Variants in KIZ observed in about 807,000 individuals in gnomAD.
KIZ encodes the protein centrosomal protein kizuna.
A neutral mutation model predicts 79.6 loss-of-function variants in KIZ; 68 were observed. That is an observed-to-expected ratio of 0.85 (90% CI 0.70 to 1.05). The LOEUF (loss-of-function observed/expected upper bound fraction) is 1.05, where lower values mean the gene tolerates loss of function less well. Among genes scored for constraint, KIZ ranks in the 50% least tolerant of loss-of-function variants. The pLI, the probability that KIZ is intolerant of heterozygous loss-of-function variation, is 0.00. For missense variants in KIZ, 797 were observed against 800.4 expected (o/e 1.00, Z 0.05); for synonymous variants, 280 against 281.8 (o/e 0.99, Z 0.06).
intron 6 of KIZ, chr20:21,194,864 G>A (rs751169806): frequency 1.3e-5 from 2 of 152,030 alleles, no homozygotes; most frequent in African/African-American, 4.8e-5. Context: ...AGATAAGTGT[G>A]TCATATGAAT....
Position 21,241,955 on chromosome 20 carries a change from A to G in KIZ, c.1881-2290A>G, listed in dbSNP as rs186787678. Among the ~76,000 whole-genome samples, 360 of 152,298 alleles carry G rather than the reference A, an allele frequency of 2.4e-3. 1 individual carries two copies. Among genetic ancestry groups the G allele is most frequent in the Middle Eastern group, 6.8e-3 (2 of 294 alleles). ...GATTCTGAAGTGCAATATTGAATAG[A>G]AATATGTAAATCAAGTATTATATAA... On this transcript the variant is annotated intron_variant, in intron 11 of 12. Coordinates refer to ENST00000619189, the MANE Select transcript of KIZ (RefSeq NM_018474.6).
chr20:21,147,961 T>TTGTATGTGTGTGTGTGTG (rs2032929057), intron 4 of KIZ, among the ~76,000 whole-genome samples: 1 of 141,036 alleles, frequency 7.1e-6, no homozygotes, highest in Non-Finnish European at 1.5e-5. Flanking sequence ...CTCCTGGAAT[T>TTGTATGTGTGTGTGTGTG]TGTGTGTGTG....
chr20:21,219,173 CATATACCAGGTAGA>C (rs370898910), intron 9 of KIZ, among the ~76,000 whole-genome samples: 2 of 71,830 alleles, frequency 2.8e-5, no homozygotes, highest in Non-Finnish European at 6.2e-5. Context: ...GAGGAGCTGC[CATATACCAGGTAGA>C]ATATTTATCG....
chr20:21,163,126 A>G lies in KIZ; in HGVS notation c.1319A>G (p.Glu440Gly), dbSNP rs1568935305. 4.3e-6 allele frequency: 7 copies of G among 1,612,690 alleles called. No individual in the cohort carries two copies. The highest frequency in any genetic ancestry group is 1.1e-5 in the South Asian group (1 of 90,832). Reference sequence around the variant, plus strand: ...CAAACCCTAAGCTCTCCTGATTCAGAAAAGGAATCCTCCACTAACGCACCA... The same window carrying G: ...CAAACCCTAAGCTCTCCTGATTCAGGAAAGGAATCCTCCACTAACGCACCA... ...ILQTLSSPDS[E>G]KESSTNAPTR... The change falls in exon 6 of 13, where the codon GAA (glutamate) becomes GGA (glycine). Residue 440 changes from glutamate (E) to glycine (G), a missense_variant. Glu to Gly is a moderately conservative substitution (Grantham distance 98). Coordinates refer to ENST00000619189, the MANE Select transcript of KIZ (RefSeq NM_018474.6).
intron 6 of KIZ, among the ~76,000 whole-genome samples, chr20:21,189,892 C>T (rs1289482206): frequency 6.6e-6 from 1 of 152,150 alleles, no homozygotes; most frequent in African/African-American, 2.4e-5. Context: ...GCATTGTGCT[C>T]CCTTCAAGTG....
intron 3 of KIZ, among the ~76,000 whole-genome samples, chr20:21,142,463 T>C (rs1293327289): frequency 6.6e-6 from 1 of 152,140 alleles, no homozygotes; most frequent in African/African-American, 2.4e-5. Flanking sequence ...TTATGGACCA[T>C]GAACTACTAC....
At chr20:21,134,160 G>T (rs925153337) in intron 2 of KIZ, among the ~76,000 whole-genome samples, 2 of 152,142 alleles carry the variant, frequency 1.3e-5, no homozygotes, top group Non-Finnish European at 2.9e-5. Flanking sequence ...CGTGAGGTGG[G>T]CACAAAGGGT....
chr20:21,190,144 CCCAGGA>C (rs2035051817), intron 6 of KIZ, among the ~76,000 whole-genome samples: 1 of 152,198 alleles, frequency 6.6e-6, no homozygotes, highest in African/African-American at 2.4e-5. Context: ...AGTTTATTTT[CCCAGGA>C]CACTAATTCT....
At chr20:21,235,662 G>T (rs1001463054) in intron 11 of KIZ, among the ~76,000 whole-genome samples, 14 of 152,212 alleles carry the variant, frequency 9.2e-5, no homozygotes, top group African/African-American at 3.4e-4. Flanking sequence ...ACTGGTTCCT[G>T]CCTTGTAACT....
At chr20:21,134,735 C>T (rs551876363) in intron 2 of KIZ, among the ~76,000 whole-genome samples, 4 of 146,208 alleles carry the variant, frequency 2.7e-5, no homozygotes, top group East Asian at 2.0e-4. Context: ...GGTGTGATCT[C>T]GGCTCACTGC....
intron 4 of KIZ, among the ~76,000 whole-genome samples, chr20:21,157,028 G>A (rs896373599): frequency 1.3e-5 from 2 of 152,140 alleles, no homozygotes; most frequent in Admixed American, 1.3e-4. Flanking sequence ...GGAGACTGAG[G>A]CAGGAGGGTC....
chr20:21,181,522 G>A (rs2034654818), intron 6 of KIZ, among the ~76,000 whole-genome samples: 1 of 151,226 alleles, frequency 6.6e-6, no homozygotes, highest in African/African-American at 2.4e-5. Flanking sequence ...GCAGTGGCGT[G>A]ATCTTGGCTC....
chr20:21,173,577 CAAA>C (rs749330317), intron 6 of KIZ, among the ~76,000 whole-genome samples: 21 of 37,308 alleles, frequency 5.6e-4, no homozygotes, highest in South Asian at 4.8e-3. Flanking sequence ...GATGCCGTCT[CAAA>C]AAAAAAAAAA....
At chr20:21,207,558 ACTTC>A (rs2035882904) in intron 7 of KIZ, among the ~76,000 whole-genome samples, 1 of 143,546 alleles carries the variant, frequency 7.0e-6, no homozygotes, top group Admixed American at 7.2e-5. Context: ...TTCTCCTCAA[ACTTC>A]CTTCCCTCCC....
chr20:21,167,483 A>T (rs1357501124), intron 6 of KIZ, among the ~76,000 whole-genome samples: 1 of 151,234 alleles, frequency 6.6e-6, no homozygotes, highest in East Asian at 2.0e-4. Flanking sequence ...ACTGCTAGGG[A>T]CTCTAAAAGT....
At chr20:21,170,046 T>C (rs1257706795) in intron 6 of KIZ, among the ~76,000 whole-genome samples, 1 of 152,224 alleles carries the variant, frequency 6.6e-6, no homozygotes, top group Non-Finnish European at 1.5e-5. Flanking sequence ...TGCAGGTTTT[T>C]GTGTGGACAT....
At chr20:21,163,768 C>A (rs932522073) in intron 6 of KIZ, among the ~76,000 whole-genome samples, 1 of 152,112 alleles carries the variant, frequency 6.6e-6, no homozygotes, top group African/African-American at 2.4e-5. Flanking sequence ...CTTATATTAT[C>A]CGACTGATAA....
At chr20:21,192,387 C>G (rs1443547825) in intron 6 of KIZ, among the ~76,000 whole-genome samples, 1 of 149,130 alleles carries the variant, frequency 6.7e-6, no homozygotes. Flanking sequence ...TGGGCTCTAG[C>G]GATCCTCCTG....
chr20:21,127,470 A>G (rs2031555697), intron 1 of KIZ, among the ~76,000 whole-genome samples: 1 of 152,232 alleles, frequency 6.6e-6, no homozygotes, highest in East Asian at 1.9e-4. Context: ...TTATGGCACA[A>G]TAACTGTATA....
Sources: gnomAD v4.1 joint callset for allele counts (sites outside exome capture counted in the v4.1 genomes callset) on GRCh38, gnomAD v4.1.1 for gene constraint, MANE v1.5 for transcripts, NCBI Gene and HGNC (gene_info 2026-07-23, HGNC 2026-07-21) for gene names.